The following PSG6 variants were observed in gnomAD, a reference collection of about 807,000 sequenced individuals.
PSG6 encodes pregnancy specific beta-1-glycoprotein 6.
Under a neutral mutation model 43.3 loss-of-function variants are expected in PSG6, and 51 were observed. That is an observed-to-expected ratio of 1.18 (90% CI 0.94 to 1.49). PSG6 has a LOEUF of 1.49. PSG6 is among the 40% of genes most tolerant of loss of function. PSG6 has a pLI of 0.00. For missense variants in PSG6, 770 were observed against 522.2 expected, an observed-to-expected ratio of 1.47 and a Z score of -4.62; for synonymous variants, 292 against 197.6, an observed-to-expected ratio of 1.48 and a Z score of -4.01.
At chr19:42,908,040 T>C (rs1481487704) in intron 3 of PSG6, 186 bp from the exon 4 acceptor site, 1 of 998,110 alleles carries the variant, frequency 1.0e-6, no homozygotes, top group South Asian at 1.7e-5. Context: ...CCTCCTGCTC[T>C]GTCTTAGGGA....
intron 2 of PSG6, among the ~76,000 whole-genome samples, chr19:42,915,110 G>C (rs1232547173): frequency 1.3e-5 from 2 of 151,454 alleles, no homozygotes; most frequent in African/African-American, 4.9e-5. Flanking sequence ...TGGTAGAGGA[G>C]AGGATGGGCC....
At position 42,916,455 on chromosome 19, in the gene PSG6, T is replaced by G; in HGVS notation, c.97A>C (p.Thr33Pro). The G allele has an allele frequency of 6.2e-7, 1 of 1,611,700 alleles. No homozygotes were observed. The highest frequency in any genetic ancestry group is 8.5e-7 in the Non-Finnish European group (1 of 1,178,912). The change falls in exon 2 of 6, where the codon ACT becomes CCT. Residue 33 changes from threonine to proline, a missense_variant. Thr to Pro is a conservative substitution (Grantham distance 38). Transcript: ENST00000187910. ...SLLNFWNLPT[T>P]AQVIIEAKPP... Reference sequence around the variant, plus strand: ...TTGGCTTCAATTATTACTTGGGCAGTGGTGGGCAGGTTCCAGAAGTTTAAA... The same window carrying G: ...TTGGCTTCAATTATTACTTGGGCAGGGGTGGGCAGGTTCCAGAAGTTTAAA...
intron 5 of PSG6, among the ~76,000 whole-genome samples, chr19:42,902,949 T>C (rs1030067576): frequency 4.6e-5 from 7 of 151,672 alleles, no homozygotes; most frequent in Non-Finnish European, 7.4e-5. Context: ...AGGTGCACTT[T>C]CTATGTGCCA....
At position 42,910,863 on chromosome 19, in the gene PSG6, G is replaced by C. The variant is rs770134324; in HGVS notation, c.428-5C>G. Reference sequence around the variant, plus strand: ...TGGAGGGCTTGGGAGTCTCCGCTGTGCAGAAAACAGAGAGAAGATTGCCCT... The same window carrying C: ...TGGAGGGCTTGGGAGTCTCCGCTGTCCAGAAAACAGAGAGAAGATTGCCCT... On this transcript the variant is annotated splice_region_variant and splice_polypyrimidine_tract_variant and intron_variant, in intron 2 of 5. Transcript: ENST00000187910. 1 of 1,601,118 alleles carries C rather than the reference G, an allele frequency of 6.2e-7. No individual in the cohort carries two copies. Among genetic ancestry groups the C allele is most frequent in the Admixed American group, 1.7e-5 (1 of 58,976 alleles).
At chr19:42,907,320 G>C (rs1972133733) in intron 4 of PSG6, 144 bp from the exon 5 acceptor site, 1 of 1,471,818 alleles carries the variant, frequency 6.8e-7, no homozygotes, top group Non-Finnish European at 9.1e-7. Flanking sequence ...CTAAGCCCAA[G>C]CCTGAGGTAT....
chr19:42,904,706 CA>C (rs1972085552), intron 5 of PSG6, among the ~76,000 whole-genome samples: 1 of 151,626 alleles, frequency 6.6e-6, no homozygotes, highest in Admixed American at 6.6e-5. Flanking sequence ...GTTAGGAGGA[CA>C]GTGCTGCCCA....
At position 42,902,469 on chromosome 19, in the gene PSG6, C is replaced by G. The variant is rs757229129; in HGVS notation, c.1241-23G>C. 1.7e-5 allele frequency: 28 copies of G among 1,608,074 alleles called. 2 individuals are homozygous for G. The East Asian group carries it at 6.0e-4, about 35-fold the overall frequency. ...GACCTGATTGACAGAAGGCCCAGGT[C>G]AGCGCATTTCAAATTCACTACCTCC... On this transcript the variant is annotated intron_variant, in intron 5 of 5. Transcript: ENST00000187910.
chr19:42,914,835 C>G (rs890057189), intron 2 of PSG6, among the ~76,000 whole-genome samples: 8 of 150,382 alleles, frequency 5.3e-5, no homozygotes, highest in Non-Finnish European at 1.2e-4. Flanking sequence ...ACAAGGTCCT[C>G]TCCTTGATCC....
At chr19:42,913,111 C>G (rs1347049697) in intron 2 of PSG6, among the ~76,000 whole-genome samples, 1 of 151,582 alleles carries the variant, frequency 6.6e-6, no homozygotes, top group Non-Finnish European at 1.5e-5. Flanking sequence ...TTCCTCAGCT[C>G]TGTGCGGTCT....
chr19:42,911,264 A>T lies in PSG6; in HGVS notation c.428-406T>A, dbSNP rs1003960138. 1.2e-4 allele frequency among the ~76,000 whole-genome samples: 18 copies of T among 151,642 alleles called. 2 individuals carry two copies. Among genetic ancestry groups the T allele is most frequent in the African/African-American group, 3.4e-4 (14 of 41,354 alleles). Reference sequence around the variant, plus strand: ...TTTGCCCCCTGAGGTATGTTTTCTCATCAGCTTCCCTTGCCAAGGACATCC... The same window carrying T: ...TTTGCCCCCTGAGGTATGTTTTCTCTTCAGCTTCCCTTGCCAAGGACATCC... On this transcript the variant is annotated intron_variant, in intron 2 of 5. Coordinates refer to ENST00000187910, the MANE Select transcript of PSG6 (RefSeq NM_001031850.4).
intron 2 of PSG6, 95 bp from the exon 3 acceptor site, chr19:42,910,953 C>G: frequency 6.6e-7 from 1 of 1,522,204 alleles, no homozygotes; most frequent in Non-Finnish European, 8.8e-7. Flanking sequence ...AACCTCTCAG[C>G]CCACCCAAGT....
intron 2 of PSG6, among the ~76,000 whole-genome samples, chr19:42,913,509 A>G (rs1719989000): frequency 6.6e-6 from 1 of 151,668 alleles, no homozygotes; most frequent in Non-Finnish European, 1.5e-5. Flanking sequence ...TTAGTGTTAG[A>G]ACCGAGTGAC....
intron 5 of PSG6, among the ~76,000 whole-genome samples, chr19:42,906,069 C>G (rs550044911): frequency 2.4e-4 from 37 of 151,510 alleles, no homozygotes; most frequent in Non-Finnish European, 4.6e-4. Context: ...TAAAGTGTCT[C>G]GTGGTCTTGC....
intron 3 of PSG6, 170 bp from the exon 4 acceptor site, chr19:42,908,024 G>C: frequency 9.1e-7 from 1 of 1,102,526 alleles, no homozygotes; most frequent in Non-Finnish European, 1.3e-6. Flanking sequence ...CTCAAAGACT[G>C]TGAGGCCTCC....
rs114857150 is a variant in PSG6, at chr19:42,913,019, C to T, written c.428-2161G>A. Among the ~76,000 whole-genome samples, 356 of 151,744 alleles carry T rather than the reference C, an allele frequency of 2.3e-3. 7 individuals carry two copies. Among genetic ancestry groups the T allele is most frequent in the African/African-American group, 7.5e-3 (311 of 41,362 alleles). The stretch of plus-strand genomic sequence containing the variant: ...AAATATGAAGTTGAATATGTTGTTC[C>T]GCTTTTTTTCCCCACTCTTTTTGAG... On this transcript the variant is annotated intron_variant, in intron 2 of 5. Coordinates refer to ENST00000187910, the MANE Select transcript of PSG6 (RefSeq NM_001031850.4).
In PSG6 at chr19:42,916,258, T is replaced by A; in HGVS notation, c.294A>T (p.Glu98Asp). 6.2e-7 allele frequency: 1 copy of A among 1,612,236 alleles called. No homozygotes were observed. The change falls in exon 2 of 6, where the codon GAA (glutamate) becomes GAT (aspartate). Residue 98 changes from glutamate to aspartate, a missense_variant. Physicochemically the swap from Glu to Asp is conservative, Grantham distance 45. Transcript: ENST00000187910. ...IIYGPAYSGR[E>D]TVYSNASLLI... ...GCAGGGATGCATTGGAATATACTGT[T>A]TCTCGTCCACTGTAGGCAGGCCCAT... is the stretch of plus-strand genomic sequence containing the variant.
chr19:42,912,008 C>A (rs955484555), intron 2 of PSG6, among the ~76,000 whole-genome samples: 4 of 151,794 alleles, frequency 2.6e-5, no homozygotes, highest in African/African-American at 9.7e-5. Context: ...CATGCAGATA[C>A]AGTGCTCCTT....
At chr19:42,912,685 C>T (rs892402798) in intron 2 of PSG6, among the ~76,000 whole-genome samples, 24 of 151,894 alleles carry the variant, frequency 1.6e-4, no homozygotes, top group African/African-American at 2.7e-4. Flanking sequence ...TGTGAAATGT[C>T]TTCTTCATTT....
intron 5 of PSG6, among the ~76,000 whole-genome samples, chr19:42,906,198 C>T (rs1178279522): frequency 6.6e-6 from 1 of 151,622 alleles, no homozygotes; most frequent in Non-Finnish European, 1.5e-5. Context: ...CTGTGTCCCA[C>T]GTGCTGTGCC....
Sources: allele counts gnomAD v4.1 joint callset (sites outside exome capture counted in the v4.1 genomes callset), GRCh38; gene constraint gnomAD v4.1.1; transcripts MANE v1.5; gene names NCBI Gene and HGNC (gene_info 2026-07-23, HGNC 2026-07-21).